The following CENPC variants were observed in gnomAD, a reference collection of about 807,000 sequenced individuals.
CENPC encodes the protein centromere protein C, also known as CENP-C 1.
CENPC carries 63 observed loss-of-function variants against 112.1 expected under a neutral mutation model. The ratio of observed to expected loss-of-function variants is 0.56; its 90% CI spans 0.46 to 0.69. The LOEUF (loss-of-function observed/expected upper bound fraction) is 0.69. Ranked by LOEUF, CENPC falls within the 30% of genes least tolerant of loss-of-function variation. CENPC has a pLI of 0.00. For synonymous variants in CENPC, 333 were observed against 367.6 expected (o/e 0.91, Z 1.08); for missense variants, 1,000 against 1,103.8 (o/e 0.91, Z 1.33).
intron 4 of CENPC, 118 bp from the exon 5 acceptor site, chr4:67,531,032 TAA>T: frequency 2.0e-6 from 1 of 502,680 alleles, no homozygotes; most frequent in Non-Finnish European, 3.5e-6. Flanking sequence ...AACCAGCTGT[TAA>T]GAGTTTTATA....
At chr4:67,492,093 G>A (rs908432457) in intron 16 of CENPC, 87 bp downstream of exon 16, 55 of 865,876 alleles carry the variant, frequency 6.4e-5, no homozygotes, top group Non-Finnish European at 1.3e-5. Context: ...GGAGAGAAAG[G>A]GAAAGTAGAC....
At chr4:67,481,063 G>T (rs1724944350) in intron 17 of CENPC, among the ~76,000 whole-genome samples, 1 of 152,134 alleles carries the variant, frequency 6.6e-6, no homozygotes, top group African/African-American at 2.4e-5. Context: ...CATCCAAAAA[G>T]TTCCTAGATC....
intron 17 of CENPC, among the ~76,000 whole-genome samples, chr4:67,483,836 C>G (rs188230908): frequency 1.2e-4 from 18 of 151,682 alleles, no homozygotes; most frequent in African/African-American, 4.4e-4. Context: ...TATTTTTGTA[C>G]AGCCAAACAG....
chr4:67,482,715 G>C (rs1167317965), intron 17 of CENPC, among the ~76,000 whole-genome samples: 1 of 152,200 alleles, frequency 6.6e-6, no homozygotes, highest in Non-Finnish European at 1.5e-5. Context: ...AAAGGCATAA[G>C]AATGATACAA....
At chr4:67,542,966 C>T (rs758732143) in intron 2 of CENPC, among the ~76,000 whole-genome samples, 1 of 152,178 alleles carries the variant, frequency 6.6e-6, no homozygotes, top group Non-Finnish European at 1.5e-5. Flanking sequence ...TTATCAAATT[C>T]GTCTTTTCTT....
rs1049931871 is a variant in CENPC, at chr4:67,518,381, A to C, written c.618-13T>G. The C allele has an allele frequency of 6.6e-7, 1 of 1,512,018 alleles. No homozygotes were observed. The highest frequency in any genetic ancestry group is 1.4e-5 in the African/African-American group (1 of 71,052). The allele number at this position is 1,512,018 out of a possible 1,614,324, so 93.7% of individuals were successfully genotyped here. A position where few individuals can be genotyped will look rare whatever the true frequency, so the allele number is the denominator to read the frequency against. On this transcript the variant is annotated splice_polypyrimidine_tract_variant and intron_variant, in intron 6 of 18. Transcript: ENST00000273853. ...ATCAAAGTTTAACCTAAAAGGTTAA[A>C]AGGAGGGTAAGCTGAATGCTCCCGT...
At chr4:67,525,210 A>T (rs554293943) in intron 5 of CENPC, among the ~76,000 whole-genome samples, 1 of 152,222 alleles carries the variant, frequency 6.6e-6, no homozygotes, top group African/African-American at 2.4e-5. Context: ...TTAAGACCTA[A>T]CATCATAAAA....
chr4:67,504,664 A>C (rs944422795), intron 12 of CENPC, among the ~76,000 whole-genome samples: 1 of 152,000 alleles, frequency 6.6e-6, no homozygotes, highest in Non-Finnish European at 1.5e-5. Context: ...TACTAAAAAG[A>C]CAAAAAAATT....
chr4:67,521,577 T>C (rs1172968602), intron 5 of CENPC, among the ~76,000 whole-genome samples: 1 of 152,214 alleles, frequency 6.6e-6, no homozygotes, highest in East Asian at 1.9e-4. Context: ...GTGCATGCAC[T>C]GCTAGTGTGA....
intron 5 of CENPC, among the ~76,000 whole-genome samples, chr4:67,529,615 C>T (rs1489733610): frequency 6.6e-6 from 1 of 152,108 alleles, no homozygotes; most frequent in Non-Finnish European, 1.5e-5. Context: ...CATGAGCAAC[C>T]ACTCCTGGCT....
intron 17 of CENPC, among the ~76,000 whole-genome samples, chr4:67,478,663 CACA>C (rs778525890): frequency 0.2 from 30,408 of 149,150 alleles, 3,041 homozygotes; most frequent in South Asian, 0.23. Context: ...CACACACACA[CACA>C]CCCAAAGTAT....
intron 17 of CENPC, among the ~76,000 whole-genome samples, chr4:67,475,508 A>C (rs932908292): frequency 6.6e-6 from 1 of 152,244 alleles, no homozygotes; most frequent in Non-Finnish European, 1.5e-5. Flanking sequence ...ACCTGTCAAC[A>C]TCTTGATTCC....
At chr4:67,491,426 G>A (rs1156697964) in intron 16 of CENPC, among the ~76,000 whole-genome samples, 3 of 121,390 alleles carry the variant, frequency 2.5e-5, no homozygotes, top group Admixed American at 9.9e-5. Context: ...CATAACAGTT[G>A]TTAATATATT....
intron 12 of CENPC, among the ~76,000 whole-genome samples, chr4:67,502,613 A>T (rs1725621955): frequency 6.6e-6 from 1 of 152,186 alleles, no homozygotes; most frequent in Non-Finnish European, 1.5e-5. Context: ...TGCAGTGGGA[A>T]CACTTTACTT....
intron 17 of CENPC, among the ~76,000 whole-genome samples, chr4:67,480,917 T>C (rs1724939356): frequency 6.6e-6 from 1 of 152,092 alleles, no homozygotes; most frequent in Non-Finnish European, 1.5e-5. Context: ...CCACTTCTAT[T>C]CAACATAGTA....
Position 67,508,971 on chromosome 4 carries a change from T to A in CENPC, c.1747A>T (p.Thr583Ser). 1 of 1,613,664 alleles carries A rather than the reference T, an allele frequency of 6.2e-7. No individual in the cohort carries two copies. The highest frequency in any genetic ancestry group is 8.5e-7 in the Non-Finnish European group (1 of 1,179,734). ...KKTIPLKRQK[T>S]ATKGNQRVQK... ...ACTCTTTGGTTGCCTTTAGTTGCTGTCTTCTGCCTTTTAAGTGGAATAGTT... is the reference window on the plus strand; with the variant it reads ...ACTCTTTGGTTGCCTTTAGTTGCTGACTTCTGCCTTTTAAGTGGAATAGTT... The change falls in exon 10 of 19, where the codon ACA becomes TCA. Residue 583 changes from threonine (T) to serine (S), a missense_variant. Physicochemically the swap from Thr to Ser is moderately conservative, Grantham distance 58. Coordinates refer to ENST00000273853, the MANE Select transcript of CENPC (RefSeq NM_001812.4).
chr4:67,481,445 A>G (rs989885782), intron 17 of CENPC, among the ~76,000 whole-genome samples: 1 of 152,184 alleles, frequency 6.6e-6, no homozygotes, highest in Non-Finnish European at 1.5e-5. Flanking sequence ...CTGCATAGCC[A>G]AAGGGAAGAC....
chr4:67,478,346 G>C (rs959533068), intron 17 of CENPC, among the ~76,000 whole-genome samples: 1 of 152,092 alleles, frequency 6.6e-6, no homozygotes, highest in African/African-American at 2.4e-5. Flanking sequence ...ATTAACAGCA[G>C]ATTTCTCAGC....
At chr4:67,482,159 A>C (rs918325983) in intron 17 of CENPC, among the ~76,000 whole-genome samples, 4 of 152,136 alleles carry the variant, frequency 2.6e-5, no homozygotes, top group Admixed American at 1.3e-4. Flanking sequence ...AGAAGCACAC[A>C]AAAAAAATGC....
Sources: gnomAD v4.1 joint callset for allele counts (sites outside exome capture counted in the v4.1 genomes callset) on GRCh38, gnomAD v4.1.1 for gene constraint, MANE v1.5 for transcripts, NCBI Gene and HGNC (gene_info 2026-07-23, HGNC 2026-07-21) for gene names.